The following CD22 variants were observed in gnomAD, a reference collection of about 807,000 sequenced individuals.
CD22 encodes B-cell receptor CD22.
A neutral mutation model predicts 94.7 loss-of-function variants in CD22; 51 were observed. The observed-to-expected ratio is 0.54, with a 90% CI of 0.43 to 0.68. CD22 has a LOEUF of 0.68. Among genes scored for constraint, CD22 ranks in the 30% least tolerant of loss-of-function variants. The pLI is 0.00. For synonymous variants in CD22, 424 were observed against 422.5 expected (o/e 1.00, Z -0.04); for missense variants, 931 against 1,060.4 (o/e 0.88, Z 1.69).
At chr19:35,339,771 G>A (rs544272632) in intron 6 of CD22, among the ~76,000 whole-genome samples, 58 of 152,020 alleles carry the variant, frequency 3.8e-4, no homozygotes, top group African/African-American at 1.4e-3. Context: ...CAGGAGAATC[G>A]CTTGAACCCA....
In CD22 at chr19:35,337,766, T is replaced by G. The variant is rs753557426; in HGVS notation, c.730T>G (p.Leu244Val). ...VQLNVKHTPK[L>V]EIKVTPSDAI... is the part of the protein sequence containing the mutation. ...CTCTGCTCCTCCAGACACCCCGAAG[T>G]TGGAGATCAAGGTCACTCCCAGTGA... The change falls in exon 5 of 14, where the codon TTG becomes GTG. Residue 244 changes from leucine (L) to valine (V), a missense_variant. Leu to Val is a conservative substitution (Grantham distance 32, BLOSUM62 1). Coordinates refer to ENST00000085219, the MANE Select transcript of CD22 (RefSeq NM_001771.4). This position sits in a 1 kb window ranked among gnomAD's most constrained non-coding sequence, Gnocchi z 4.4. 8.1e-6 allele frequency: 13 copies of G among 1,597,146 alleles called. No individual in the cohort carries two copies. The highest frequency in any genetic ancestry group is 1.3e-5 in the African/African-American group (1 of 74,616).
At position 35,346,825 on chromosome 19, in the gene CD22, C is replaced by G; in HGVS notation, c.*128C>G. On this transcript the variant is annotated 3_prime_UTR_variant, in exon 14 of 14. Coordinates refer to ENST00000085219, the MANE Select transcript of CD22 (RefSeq NM_001771.4). ...GCACACACACACACACACGCACACACACACACACACACTCACTGCGGAGAA... is the reference window on the plus strand; with the variant it reads ...GCACACACACACACACACGCACACAGACACACACACACTCACTGCGGAGAA... 1.2e-6 allele frequency: 1 copy of G among 854,852 alleles called. No homozygotes were observed. Among genetic ancestry groups the G allele is most frequent in the Non-Finnish European group, 1.8e-6 (1 of 565,134 alleles). 53.0% of individuals were successfully genotyped at this position (854,852 alleles called of 1,614,324 possible). A position where few individuals can be genotyped will look rare whatever the true frequency, so the allele number is the denominator to read the frequency against.
At chr19:35,344,784 G>A (rs746031687) in intron 9 of CD22, 45 bp from the exon 10 acceptor site, 5 of 1,425,834 alleles carry the variant, frequency 3.5e-6, no homozygotes, top group Admixed American at 1.9e-5. Flanking sequence ...CTGCCAGGGA[G>A]AGCTGGCCCC....
chr19:35,345,432 A>C, intron 11 of CD22, 170 bp from the exon 12 acceptor site: 5 of 544,498 alleles, frequency 9.2e-6, no homozygotes, highest in Non-Finnish European at 1.6e-5. Flanking sequence ...AAAAAAAAAA[A>C]AAAAAAAAAA....
chr19:35,337,664 C>A lies in CD22; in HGVS notation c.719-91C>A. On this transcript the variant is annotated intron_variant, in intron 4 of 13. Transcript: ENST00000085219. The surrounding 1 kb of genome is among the most constrained non-coding windows in gnomAD (Gnocchi z 4.4). ...TCACCTGGGTGAAGGGACTGGCAGG[C>A]CATGGCTTTGTCAGAATAAAAGCAC... 8.7e-7 allele frequency: 1 copy of A among 1,150,592 alleles called. No individual in the cohort carries two copies. The highest frequency in any genetic ancestry group is 1.2e-6 in the Non-Finnish European group (1 of 817,622). 71.3% of individuals were successfully genotyped at this position (1,150,592 alleles called of 1,614,324 possible). A position where few individuals can be genotyped will look rare whatever the true frequency, so the allele number is the denominator to read the frequency against.
chr19:35,335,939 G>C, intron 3 of CD22, 97 bp from the exon 4 acceptor site: 1 of 961,260 alleles, frequency 1.0e-6, no homozygotes. Context: ...GTGGCAAGGG[G>C]TTCCTGAGGG....
chr19:35,335,875 A>G (rs2066715827), intron 3 of CD22, among the ~76,000 whole-genome samples, 161 bp from the exon 4 acceptor site: 1 of 152,074 alleles, frequency 6.6e-6, no homozygotes, highest in Admixed American at 6.6e-5. Context: ...CAACACAACA[A>G]CAACAACAAT....
rs1007526436 is a variant in CD22 at position 35,346,752 on chromosome 19, C to T, written c.*55C>T. 9.2e-6 allele frequency: 14 copies of T among 1,522,488 alleles called. No individual in the cohort carries two copies. The highest frequency in any genetic ancestry group is 6.3e-5 in the Admixed American group (3 of 47,942). The allele number at this position is 1,522,488 out of a possible 1,614,324, so 94.3% of individuals were successfully genotyped here. A position where few individuals can be genotyped will look rare whatever the true frequency, so the allele number is the denominator to read the frequency against. ...GGGCAGCGGGGGCCAGGGAAGTCCC[C>T]GAGTTTCCCCAGACACCGCCACATG... is the stretch of plus-strand genomic sequence containing the variant. On this transcript the variant is annotated 3_prime_UTR_variant, in exon 14 of 14. Transcript: ENST00000085219.
Position 35,346,942 on chromosome 19 carries a change from C to T in CD22, c.*245C>T, listed in dbSNP as rs1407459345. On this transcript the variant is annotated 3_prime_UTR_variant, in exon 14 of 14. Transcript: ENST00000085219. ...CTGTTCTCTTCCACTCTCCTTGCTA[C>T]CCAGAAATCCATCTAAATACCTGCC... The T allele has an allele frequency of 1.1e-5, 5 of 448,070 alleles. No homozygotes were observed. Among genetic ancestry groups the T allele is most frequent in the Non-Finnish European group, 2.0e-5 (5 of 252,302 alleles). 27.8% of individuals were successfully genotyped at this position (448,070 alleles called of 1,614,324 possible).
Position 35,346,813 on chromosome 19 carries a change from C to T in CD22, c.*116C>T, listed in dbSNP as rs928108428. ...GCGCGCATGTGCGCACACACACACA[C>T]ACACGCACACACACACACACACACT... On this transcript the variant is annotated 3_prime_UTR_variant, in exon 14 of 14. Coordinates refer to ENST00000085219, the MANE Select transcript of CD22 (RefSeq NM_001771.4). 1 of 890,938 alleles carries T rather than the reference C, an allele frequency of 1.1e-6. No homozygotes were observed. The highest frequency in any genetic ancestry group is 1.7e-6 in the Non-Finnish European group (1 of 594,984). The allele number at this position is 890,938 out of a possible 1,614,324, so 55.2% of individuals were successfully genotyped here.
chr19:35,346,648 A>C lies in CD22; in HGVS notation c.2495A>C (p.Glu832Ala). ...YSELIQFGVG[E>A]RPQAQENVDY... ...GAGCTGATCCAGTTTGGGGTCGGGG[A>C]GCGGCCTCAGGCACAAGAAAATGTG... Residue 832 changes from glutamate (E) to alanine (A), a missense_variant, in exon 14 of 14, where the codon GAG (glutamate) becomes GCG (alanine). By Grantham distance (107) the Glu-to-Ala change is moderately radical. Transcript: ENST00000085219. 1 of 1,608,650 alleles carries C rather than the reference A, an allele frequency of 6.2e-7. No individual in the cohort carries two copies. The highest frequency in any genetic ancestry group is 8.5e-7 in the Non-Finnish European group (1 of 1,177,452).
rs763054158 is a variant in CD22 at position 35,332,904 on chromosome 19, G to T, written c.392G>T (p.Arg131Leu). 5.6e-6 allele frequency: 9 copies of T among 1,614,042 alleles called. No individual in the cohort carries two copies. In the Admixed American group the frequency reaches 6.7e-5, roughly 12 times the overall value. ...TCCAAGACTGAGAAATGGATGGAAC[G>T]AATACACCTCAATGTCTCTGGTAAG... is the stretch of plus-strand genomic sequence containing the variant. Reference protein sequence around the residue: ...MESKTEKWMERIHLNVSERPF... With the variant: ...MESKTEKWMELIHLNVSERPF... The change falls in exon 3 of 14, where the codon CGA (arginine) becomes CTA (leucine). Residue 131 changes from arginine (R) to leucine (L), a missense_variant. By Grantham distance (102) the Arg-to-Leu change is moderately radical. Transcript: ENST00000085219.
At chr19:35,340,822 G>A in intron 6 of CD22, 59 bp from the exon 7 acceptor site, 3 of 1,599,784 alleles carry the variant, frequency 1.9e-6, no homozygotes, top group Non-Finnish European at 1.7e-6. Context: ...GGAAGCAGGA[G>A]GGAAGGGGTA....
intron 1 of CD22, 82 bp from the exon 2 acceptor site, chr19:35,331,937 G>A (rs983135113): frequency 3.2e-4 from 507 of 1,606,846 alleles, no homozygotes; most frequent in Non-Finnish European, 3.4e-4. Context: ...GGGAAGGGTC[G>A]GAGCTCAGTG....
chr19:35,329,606 C>T (rs1002472606), intron 1 of CD22: 6 of 208,656 alleles, frequency 2.9e-5, no homozygotes, highest in Non-Finnish European at 6.1e-5. Flanking sequence ...CCTTCCAATT[C>T]CCGGGCCTGG....
chr19:35,335,812 G>A (rs1032320480), intron 3 of CD22, among the ~76,000 whole-genome samples: 2 of 151,982 alleles, frequency 1.3e-5, no homozygotes, highest in African/African-American at 4.8e-5. Flanking sequence ...CCAAGATCGC[G>A]CCACTGCACT....
intron 9 of CD22, among the ~76,000 whole-genome samples, chr19:35,342,929 G>GC (rs553935178): frequency 8.1e-4 from 124 of 152,158 alleles, no homozygotes; most frequent in African/African-American, 3.0e-3. Flanking sequence ...TCCTGCCTCA[G>GC]CTCCCCGAGT....
intron 3 of CD22, among the ~76,000 whole-genome samples, chr19:35,333,314 G>A (rs567015830): frequency 5.3e-5 from 8 of 152,122 alleles, no homozygotes; most frequent in South Asian, 4.2e-4. Context: ...AGGCTGGACC[G>A]CCCCCTTCAG....
intron 13 of CD22, 46 bp downstream of exon 13, chr19:35,346,281 T>A: frequency 6.6e-7 from 1 of 1,515,848 alleles, no homozygotes; most frequent in East Asian, 2.2e-5. Context: ...TGTGGAAGGC[T>A]GGGGACAGGG....
Sources: gnomAD v4.1 joint callset for allele counts (sites outside exome capture counted in the v4.1 genomes callset) on GRCh38, gnomAD v4.1.1 for gene constraint, Gnocchi (gnomAD v3.1) non-coding constraint, MANE v1.5 for transcripts, NCBI Gene and HGNC (gene_info 2026-07-23, HGNC 2026-07-21) for gene names.